The following UVSSA variants were observed in gnomAD, a reference collection of about 807,000 sequenced individuals.
UVSSA encodes UV stimulated scaffold protein A.
In UVSSA, 72 loss-of-function variants were observed where a neutral mutation model predicts 73.9. That is an observed-to-expected ratio of 0.97 (90% CI 0.81 to 1.19). The LOEUF (loss-of-function observed/expected upper bound fraction) is 1.19, where lower values mean the gene tolerates loss of function less well. Among genes scored for constraint, UVSSA ranks in the 50% most tolerant of loss-of-function variants. The pLI is 0.00. For synonymous variants in UVSSA, 454 were observed against 391.3 expected (o/e 1.16, Z -1.89); for missense variants, 1,150 against 965.0 (o/e 1.19, Z -2.54).
intron 10 of UVSSA, 150 bp from the exon 11 acceptor site, chr4:1,379,897 G>C: frequency 1.2e-6 from 1 of 856,370 alleles, no homozygotes; most frequent in East Asian, 2.9e-5. Context: ...GACCCAGCCG[G>C]GAGTGACCGT....
Position 1,353,364 on chromosome 4 carries a change from C to T in UVSSA, c.885C>T (p.Ser295=). The part of the protein sequence containing the change: ...EDSDLEEFVR[S]HGLGSHKYTL... ...GCGACCTCGAGGAGTTTGTGCGGAG[C>T]CACGGGCTGGGCTCGCACAAGTACA... The change falls in exon 5 of 14, where the codon AGC becomes AGT. Residue 295 remains serine, a synonymous_variant. Coordinates refer to ENST00000389851, the MANE Select transcript of UVSSA (RefSeq NM_020894.4). The T allele has an allele frequency of 6.2e-7, 1 of 1,606,384 alleles. No individual in the cohort carries two copies. The highest frequency in any genetic ancestry group is 8.5e-7 in the Non-Finnish European group (1 of 1,177,100).
chr4:1,386,340 CAG>C lies in UVSSA; in HGVS notation c.*382_*383del, dbSNP rs1473777548. Reference sequence around the variant, plus strand: ...ATTCCCCAGCCAGGAGGCGACCACTCAGAGGAACTCTGGGAAACCCACTTTTG... The same window carrying C: ...ATTCCCCAGCCAGGAGGCGACCACTCAGGAACTCTGGGAAACCCACTTTTG... On this transcript the variant is annotated 3_prime_UTR_variant, in exon 14 of 14. Transcript: ENST00000389851. The C allele has an allele frequency of 5.4e-6, 1 of 186,000 alleles. No homozygotes were observed. Among genetic ancestry groups the C allele is most frequent in the African/African-American group, 2.3e-5 (1 of 42,790 alleles). 11.5% of individuals were successfully genotyped at this position (186,000 alleles called of 1,614,324 possible).
At chr4:1,375,829 A>ACCAGAGG (rs1301497426) in intron 9 of UVSSA, among the ~76,000 whole-genome samples, 1 of 152,180 alleles carries the variant, frequency 6.6e-6, no homozygotes, top group African/African-American at 2.4e-5. Flanking sequence ...AGGACTGCAG[A>ACCAGAGG]CCAGAGGCCA....
downstream of UVSSA, chr4:1,393,028 A>G (rs1720441892): frequency 6.6e-6 from 1 of 152,156 alleles, no homozygotes; most frequent in Non-Finnish European, 1.5e-5. Context: ...GAAATATTTT[A>G]TGTCCATGTT....
At position 1,380,120 on chromosome 4, in the gene UVSSA, A is replaced by G; in HGVS notation, c.1642A>G (p.Met548Val). 1 of 1,612,948 alleles carries G rather than the reference A, an allele frequency of 6.2e-7. No individual in the cohort carries two copies. The highest frequency in any genetic ancestry group is 8.5e-7 in the Non-Finnish European group (1 of 1,179,944). The change falls in exon 11 of 14, where the codon ATG becomes GTG. Residue 548 changes from methionine to valine, a missense_variant. By Grantham distance (21) the Met-to-Val change is conservative. Transcript: ENST00000389851. Reference protein sequence around the residue: ...EEVVNADISEMLRSRHITFAG... With the variant: ...EEVVNADISEVLRSRHITFAG... Reference sequence around the variant, plus strand: ...AGTGGTCAATGCCGACATCTCCGAGATGCTCCGGAGCCGCCACATCACTTT... The same window carrying G: ...AGTGGTCAATGCCGACATCTCCGAGGTGCTCCGGAGCCGCCACATCACTTT...
chr4:1,371,141 A>C (rs1220786792), intron 8 of UVSSA, among the ~76,000 whole-genome samples: 1 of 152,110 alleles, frequency 6.6e-6, no homozygotes, highest in Non-Finnish European at 1.5e-5. Flanking sequence ...CATGCCTGTA[A>C]GTACTTGTGT....
At chr4:1,353,701 G>C (rs551412333) in intron 5 of UVSSA, among the ~76,000 whole-genome samples, 1 of 152,206 alleles carries the variant, frequency 6.6e-6, no homozygotes, top group African/African-American at 2.4e-5. Context: ...GGTGAGGTGG[G>C]GTCGTGAGGC....
chr4:1,357,027 T>C (rs1406029924), intron 7 of UVSSA: 1 of 151,994 alleles, frequency 6.6e-6, no homozygotes, highest in Non-Finnish European at 1.5e-5. Context: ...GGCTGATGGG[T>C]GGCATGGTCT....
chr4:1,343,512 C>T (rs1021320157), upstream of UVSSA, among the ~76,000 whole-genome samples: 11 of 152,124 alleles, frequency 7.2e-5, no homozygotes, highest in African/African-American at 2.7e-4. Flanking sequence ...GGTATATCTT[C>T]CTGCAGATTT....
At chr4:1,378,625 G>A (rs372620415) in intron 10 of UVSSA, among the ~76,000 whole-genome samples, 4 of 152,300 alleles carry the variant, frequency 2.6e-5, no homozygotes, top group Middle Eastern at 3.4e-3. Flanking sequence ...GGGAGGAAGC[G>A]GTGGAGCCCG....
chr4:1,366,205 C>T lies in UVSSA; in HGVS notation c.1177-115C>T. The T allele has an allele frequency of 3.7e-6, 3 of 818,112 alleles. No individual in the cohort carries two copies. In the Middle Eastern group the frequency reaches 7.2e-4, roughly 196 times the overall value. 50.7% of individuals were successfully genotyped at this position (818,112 alleles called of 1,614,324 possible). Reference sequence around the variant, plus strand: ...TCCAACCGTGGCTGATGTTGGAGCCCTAAGCAGGGGAAAAAGCTCCACAAG... The same window carrying T: ...TCCAACCGTGGCTGATGTTGGAGCCTTAAGCAGGGGAAAAAGCTCCACAAG... On this transcript the variant is annotated intron_variant, in intron 7 of 13. Coordinates refer to ENST00000389851, the MANE Select transcript of UVSSA (RefSeq NM_020894.4).
At chr4:1,370,178 G>A (rs1478713506) in intron 8 of UVSSA, among the ~76,000 whole-genome samples, 1 of 147,408 alleles carries the variant, frequency 6.8e-6, no homozygotes, top group Non-Finnish European at 1.5e-5. Context: ...GGAATTCTCA[G>A]ATTGATCTTT....
At chr4:1,393,404 T>C (rs1188237777) in exon 14 of UVSSA, 9 of 152,156 alleles carry the variant, frequency 5.9e-5, no homozygotes, top group African/African-American at 1.7e-4. Context: ...AAAGTACTTG[T>C]CTAAGCCGGG....
At chr4:1,355,655 C>T (rs1033655937) in intron 7 of UVSSA, among the ~76,000 whole-genome samples, 33 of 152,158 alleles carry the variant, frequency 2.2e-4, no homozygotes, top group East Asian at 3.9e-4. Context: ...AGGGTCAGCG[C>T]GGGCACTGGT....
Position 1,355,233 on chromosome 4 carries a change from G to C in UVSSA, c.1164G>C (p.Gly388=), listed in dbSNP as rs758715211. 5 of 1,612,022 alleles carry C rather than the reference G, an allele frequency of 3.1e-6. No individual in the cohort carries two copies. In the East Asian group the frequency reaches 1.1e-4, roughly 36 times the overall value. ...YKELDIEPEG[G]ERRRTEALGD... ...AGCTGGACATCGAGCCTGAGGGAGG[G>C]GAAAGGCGCAGGGTGAGTGGGCAGG... Residue 388 remains glycine, a synonymous_variant, in exon 7 of 14, where the codon GGG becomes GGC. Transcript: ENST00000389851.
Position 1,366,368 on chromosome 4 carries a change from G to A in UVSSA, c.1225G>A (p.Val409Met). ...AEEDEDDEDF[V>M]EVPEKEGYEP... ...GGAAGATGAGGACGATGAGGACTTT[G>A]TGGAGGTCCCTGAGAAGGAGGGGTA... The change falls in exon 8 of 14, where the codon GTG (valine) becomes ATG (methionine). Residue 409 changes from valine (V) to methionine (M), a missense_variant. By Grantham distance (21) the Val-to-Met change is conservative. Transcript: ENST00000389851. The A allele has an allele frequency of 1.2e-6, 2 of 1,613,582 alleles. No homozygotes were observed. The highest frequency in any genetic ancestry group is 2.2e-5 in the East Asian group (1 of 44,868).
chr4:1,388,590 A>G (rs534593900), downstream of UVSSA: 1 of 152,336 alleles, frequency 6.6e-6, no homozygotes, highest in South Asian at 2.1e-4. Flanking sequence ...GATGCTAACA[A>G]TGCAGTTTTG....
Position 1,387,832 on chromosome 4 carries a change from C to G in UVSSA, c.*1871C>G, listed in dbSNP as rs1396818867. ...TATGCCAGTGCCACAGTGCCTTGATCAGTGCTGCTTTGTTGTGAGAAGTTT... is the reference window on the plus strand; with the variant it reads ...TATGCCAGTGCCACAGTGCCTTGATGAGTGCTGCTTTGTTGTGAGAAGTTT... On this transcript the variant is annotated 3_prime_UTR_variant, in exon 14 of 14. Coordinates refer to ENST00000389851, the MANE Select transcript of UVSSA (RefSeq NM_020894.4). 1 of 152,062 alleles carries G rather than the reference C, an allele frequency of 6.6e-6. No homozygotes were observed. The highest frequency in any genetic ancestry group is 1.5e-5 in the Non-Finnish European group (1 of 68,020). The allele number at this position is 152,062 out of a possible 1,614,324, so 9.4% of individuals were successfully genotyped here.
At chr4:1,366,104 C>T (rs542418771) in intron 7 of UVSSA, 174 of 445,060 alleles carry the variant, frequency 3.9e-4, no homozygotes, top group Non-Finnish European at 5.3e-4. Flanking sequence ...TCTAAACAGC[C>T]CCCAGCACAG....
Sources: allele counts gnomAD v4.1 joint callset (sites outside exome capture counted in the v4.1 genomes callset), GRCh38; gene constraint gnomAD v4.1.1; transcripts MANE v1.5; gene names NCBI Gene and HGNC (gene_info 2026-07-23, HGNC 2026-07-21).